ADAMTS3: variants seen among roughly 807,000 people sequenced by gnomAD.
The protein encoded by ADAMTS3 is A disintegrin and metalloproteinase with thrombospondin motifs 3.
In ADAMTS3, 73 loss-of-function variants were observed where a neutral mutation model predicts 129.0. The ratio of observed to expected loss-of-function variants is 0.57; its 90% CI spans 0.47 to 0.69. The LOEUF is 0.69. Ranked by LOEUF, ADAMTS3 falls within the 30% of genes least tolerant of loss-of-function variation. The pLI, the probability that ADAMTS3 is intolerant of heterozygous loss-of-function variation, is 0.00. For missense variants in ADAMTS3, 1,457 were observed against 1,514.5 expected (o/e 0.96, Z 0.63); for synonymous variants, 477 against 510.8 (o/e 0.93, Z 0.89).
chr4:72,410,252 T>C (rs1461502376), intron 4 of ADAMTS3, among the ~76,000 whole-genome samples: 1 of 152,116 alleles, frequency 6.6e-6, no homozygotes. Context: ...TAGTTCTTGT[T>C]TCATAGTTTC....
At chr4:72,559,711 G>A (rs11939190) in intron 2 of ADAMTS3, among the ~76,000 whole-genome samples, 30,554 of 151,684 alleles carry the variant, frequency 0.2, 3,564 homozygotes, top group Middle Eastern at 0.24. Context: ...TGTTTACAGC[G>A]TAGCAGCATT....
At chr4:72,305,893 T>C in intron 16 of ADAMTS3, 94 bp downstream of exon 16, 1 of 1,041,276 alleles carries the variant, frequency 9.6e-7, no homozygotes, top group Non-Finnish European at 1.5e-6. Context: ...TGCACATATA[T>C]GTGTACATAT....
In ADAMTS3 at chr4:72,515,712, G is replaced by A. The variant is rs534667445; in HGVS notation, c.504+32766C>T. 4.5e-3 allele frequency among the ~76,000 whole-genome samples: 684 copies of A among 151,956 alleles called. 7 individuals are homozygous for A. Among genetic ancestry groups the A allele is most frequent in the African/African-American group, 0.016 (659 of 41,428 alleles). On this transcript the variant is annotated intron_variant, in intron 3 of 21. Transcript: ENST00000286657. ...GTTTGTTTCTTGTAAATTTGTTTGA[G>A]TTCATTGTAGATTCTGGATATTAGC... is the stretch of plus-strand genomic sequence containing the variant.
chr4:72,351,512 T>A (rs917285260), intron 4 of ADAMTS3, among the ~76,000 whole-genome samples: 2 of 151,100 alleles, frequency 1.3e-5, no homozygotes, highest in African/African-American at 4.9e-5. Context: ...CAGTATCATA[T>A]GTAAGAAAGT....
chr4:72,334,270 C>T (rs1021886480), intron 5 of ADAMTS3, among the ~76,000 whole-genome samples: 1 of 152,220 alleles, frequency 6.6e-6, no homozygotes, highest in African/African-American at 2.4e-5. Context: ...GATTTCTCCA[C>T]CAGTCTATAA....
intron 3 of ADAMTS3, among the ~76,000 whole-genome samples, chr4:72,513,736 A>G (rs1578749054): frequency 6.6e-6 from 1 of 152,032 alleles, no homozygotes; most frequent in Non-Finnish European, 1.5e-5. Context: ...GTTTTTTTAC[A>G]TAAATATATT....
intron 5 of ADAMTS3, among the ~76,000 whole-genome samples, chr4:72,333,294 T>G (rs1349353196): frequency 6.6e-6 from 1 of 152,144 alleles, no homozygotes. Flanking sequence ...TAATTCTCCA[T>G]AATCTGTTTT....
chr4:72,283,480 A>C lies in ADAMTS3; in HGVS notation c.3274T>G (p.Tyr1092Asp). 1 of 1,614,046 alleles carries C rather than the reference A, an allele frequency of 6.2e-7. No homozygotes were observed. Among genetic ancestry groups the C allele is most frequent in the Non-Finnish European group, 8.5e-7 (1 of 1,179,972 alleles). Reference protein sequence around the residue: ...SLVMPTSLVPYHSETPAKKMS... With the variant: ...SLVMPTSLVPDHSETPAKKMS... ...TTCTTTGCAGGGGTCTCTGAATGATAAGGAACCAAAGATGTAGGCATCACT... is the reference window on the plus strand; with the variant it reads ...TTCTTTGCAGGGGTCTCTGAATGATCAGGAACCAAAGATGTAGGCATCACT... Residue 1092 changes from tyrosine (Y) to aspartate (D), a missense_variant, in exon 22 of 22, where the codon TAT (tyrosine) becomes GAT (aspartate). Tyr to Asp is a radical substitution (Grantham distance 160). Coordinates refer to ENST00000286657, the MANE Select transcript of ADAMTS3 (RefSeq NM_014243.3).
intron 3 of ADAMTS3, among the ~76,000 whole-genome samples, chr4:72,448,763 G>A (rs1031052755): frequency 1.3e-5 from 2 of 151,408 alleles, no homozygotes; most frequent in Admixed American, 1.3e-4. Flanking sequence ...CCAAAAGTAA[G>A]CCTCCTCCCC....
At chr4:72,489,869 G>T (rs1294200703) in intron 3 of ADAMTS3, among the ~76,000 whole-genome samples, 1 of 151,722 alleles carries the variant, frequency 6.6e-6, no homozygotes, top group Non-Finnish European at 1.5e-5. Context: ...TAAGGAAGTT[G>T]CTGTATATAT....
At chr4:72,383,102 C>T (rs1193029930) in intron 4 of ADAMTS3, among the ~76,000 whole-genome samples, 3 of 146,428 alleles carry the variant, frequency 2.0e-5, no homozygotes, top group South Asian at 4.3e-4. Context: ...AGAAGGAATG[C>T]TTTTTTTTTT....
chr4:72,384,115 A>C (rs1010903226), intron 4 of ADAMTS3, among the ~76,000 whole-genome samples: 1 of 152,124 alleles, frequency 6.6e-6, no homozygotes, highest in Non-Finnish European at 1.5e-5. Flanking sequence ...GAAAATATCC[A>C]AAAAGAAGAA....
At chr4:72,307,002 A>G (rs1578567895) in intron 15 of ADAMTS3, among the ~76,000 whole-genome samples, 1 of 151,984 alleles carries the variant, frequency 6.6e-6, no homozygotes, top group Non-Finnish European at 1.5e-5. Flanking sequence ...ATTATCATAC[A>G]AATAAATGAA....
chr4:72,364,259 A>G (rs551072991), intron 4 of ADAMTS3, among the ~76,000 whole-genome samples: 1 of 151,876 alleles, frequency 6.6e-6, no homozygotes, highest in Non-Finnish European at 1.5e-5. Context: ...AAGGACATAC[A>G]CTAAAAAATA....
In ADAMTS3 at chr4:72,568,809, G is replaced by C. The variant is rs749017656; in HGVS notation, c.-47C>G. The C allele has an allele frequency of 7.1e-7, 1 of 1,401,786 alleles. No individual in the cohort carries two copies. The highest frequency in any genetic ancestry group is 9.9e-7 in the Non-Finnish European group (1 of 1,007,708). 86.8% of individuals were successfully genotyped at this position (1,401,786 alleles called of 1,614,324 possible). On this transcript the variant is annotated 5_prime_UTR_variant, in exon 1 of 22. Transcript: ENST00000286657. The stretch of plus-strand genomic sequence containing the variant: ...AACTACTGGGCAAAGCAAATGCCCA[G>C]AGCAAACCCACCCCCCCCGCCCAAA...
rs562169341 is a variant in ADAMTS3, at chr4:72,563,634, G to A, written c.97+3740C>T. On this transcript the variant is annotated intron_variant, in intron 2 of 21. Transcript: ENST00000286657. ...CCTAGGTCCCTGTGCTTTGTGGGGT[G>A]GAAGAGGAGTCCCAAGAGGCCTTGA... Among the ~76,000 whole-genome samples the A allele has an allele frequency of 1.3e-4, 20 of 152,276 alleles. No individual in the cohort carries two copies. The South Asian group carries it at 2.5e-3, about 19-fold the overall frequency.
Position 72,319,880 on chromosome 4 carries a change from C to T in ADAMTS3, c.1186G>A (p.Val396Ile). Residue 396 changes from valine to isoleucine, a missense_variant, in exon 8 of 22, where the codon GTA becomes ATA. Coordinates refer to ENST00000286657, the MANE Select transcript of ADAMTS3 (RefSeq NM_014243.3). ...HEDGFSSAFV[V>I]AHETGHVLGM... ...TACACATGGCCCGTTTCATGGGCTA[C>T]TACAAAAGCAGATGAAAAACCATCC... 1 of 1,613,840 alleles carries T rather than the reference C, an allele frequency of 6.2e-7. No individual in the cohort carries two copies. Among genetic ancestry groups the T allele is most frequent in the Non-Finnish European group, 8.5e-7 (1 of 1,179,848 alleles).
intron 2 of ADAMTS3, among the ~76,000 whole-genome samples, chr4:72,561,868 C>G (rs926068562): frequency 1.3e-5 from 2 of 152,176 alleles, no homozygotes; most frequent in African/African-American, 4.8e-5. Flanking sequence ...TTTTCATAAA[C>G]AAGAGACTGA....
chr4:72,355,585 G>T (rs1208817481), intron 4 of ADAMTS3, among the ~76,000 whole-genome samples: 1 of 151,932 alleles, frequency 6.6e-6, no homozygotes, highest in African/African-American at 2.4e-5. Context: ...AAGTTGGTTT[G>T]CCCTCTGCCA....
Sources: allele counts gnomAD v4.1 joint callset (sites outside exome capture counted in the v4.1 genomes callset), GRCh38; gene constraint gnomAD v4.1.1; transcripts MANE v1.5; gene names NCBI Gene and HGNC (gene_info 2026-07-23, HGNC 2026-07-21).